PCMTD1: variants seen among roughly 807,000 people sequenced by gnomAD.
PCMTD1 encodes the protein protein-L-isoaspartate (D-aspartate) O-methyltransferase domain containing 1, also known as protein-L-isoaspartate O-methyltransferase domain-containing protein 1.
Under a neutral mutation model 37.6 loss-of-function variants are expected in PCMTD1, and 12 were observed. The observed-to-expected ratio is 0.32, with a 90% CI of 0.20 to 0.52. The LOEUF (loss-of-function observed/expected upper bound fraction) is 0.52, where lower values mean the gene tolerates loss of function less well. Among genes scored for constraint, PCMTD1 ranks in the 20% least tolerant of loss-of-function variants. The pLI, the probability that PCMTD1 is intolerant of heterozygous loss-of-function variation, is 0.97. For synonymous variants in PCMTD1, 117 were observed against 135.8 expected (o/e 0.86, Z 0.96); for missense variants, 235 against 421.3 (o/e 0.56, Z 3.87).
intron 1 of PCMTD1, among the ~76,000 whole-genome samples, chr8:51,868,335 G>T (rs2038589848): frequency 6.6e-6 from 1 of 152,104 alleles, no homozygotes; most frequent in African/African-American, 2.4e-5. Context: ...AAGTAAATCT[G>T]TCCAAAAGTA....
At chr8:51,845,584 A>C (rs2038205795) in intron 3 of PCMTD1, 77 bp downstream of exon 3, 1 of 999,426 alleles carries the variant, frequency 1.0e-6, no homozygotes. Flanking sequence ...CAGGATCAAT[A>C]ATAGTGTTCA....
chr8:51,819,912 AC>A lies in PCMTD1; in HGVS notation c.*438del, dbSNP rs2037818650. 1 of 153,454 alleles carries A rather than the reference AC, an allele frequency of 6.5e-6. No individual in the cohort carries two copies. Among genetic ancestry groups the A allele is most frequent in the South Asian group, 2.1e-4 (1 of 4,852 alleles). The allele number at this position is 153,454 out of a possible 1,614,324, so 9.5% of individuals were successfully genotyped here. A position where few individuals can be genotyped will look rare whatever the true frequency, so the allele number is the denominator to read the frequency against. On this transcript the variant is annotated 3_prime_UTR_variant, in exon 6 of 6. Coordinates refer to ENST00000522514, the MANE Select transcript of PCMTD1 (RefSeq NM_052937.4). ...GCAACAAAAGTAAGGTAAATAGTCT[AC>A]AAAGCATTTGACTTCCTTATTAGAT...
At chr8:51,891,656 G>C (rs1291368336) in intron 1 of PCMTD1, among the ~76,000 whole-genome samples, 1 of 140,186 alleles carries the variant, frequency 7.1e-6, no homozygotes, top group Non-Finnish European at 1.5e-5. Flanking sequence ...TATGCCACTA[G>C]TTAAAAAAAA....
intron 1 of PCMTD1, among the ~76,000 whole-genome samples, chr8:51,890,650 G>A (rs2038923700): frequency 6.6e-6 from 1 of 152,152 alleles, no homozygotes; most frequent in Non-Finnish European, 1.5e-5. Context: ...CACTACTTAC[G>A]CAGTAGCAGT....
chr8:51,862,362 A>ACACACT (rs1169150913), intron 1 of PCMTD1, among the ~76,000 whole-genome samples: 1 of 100,750 alleles, frequency 9.9e-6, no homozygotes, highest in Non-Finnish European at 1.7e-5. Flanking sequence ...ACACATACAC[A>ACACACT]CACACACACA....
In PCMTD1 at chr8:51,820,229, GATTT is replaced by G. The variant is rs199588375; in HGVS notation, c.*118_*121del. 1,078 of 490,974 alleles carry G rather than the reference GATTT, an allele frequency of 2.2e-3. 8 individuals are homozygous for G. In the African/African-American group the frequency reaches 0.05, roughly 23 times the overall value. 30.4% of individuals were successfully genotyped at this position (490,974 alleles called of 1,614,324 possible). A position where few individuals can be genotyped will look rare whatever the true frequency, so the allele number is the denominator to read the frequency against. ...ATTTGTGTTACTGACAGAAACAAGTGATTTTTTTTCCACTATAATTTGCTCTGAT... is the reference window on the plus strand; with the variant it reads ...ATTTGTGTTACTGACAGAAACAAGTGTTTTTCCACTATAATTTGCTCTGAT... On this transcript the variant is annotated 3_prime_UTR_variant, in exon 6 of 6. Coordinates refer to ENST00000522514, the MANE Select transcript of PCMTD1 (RefSeq NM_052937.4).
chr8:51,831,106 T>C (rs2037991281), intron 5 of PCMTD1, among the ~76,000 whole-genome samples: 1 of 152,056 alleles, frequency 6.6e-6, no homozygotes, highest in African/African-American at 2.4e-5. Context: ...GAGGCCAGCC[T>C]GGCCAACATG....
At chr8:51,895,401 C>T (rs1325353317) in intron 1 of PCMTD1, among the ~76,000 whole-genome samples, 1 of 152,166 alleles carries the variant, frequency 6.6e-6, no homozygotes, top group Non-Finnish European at 1.5e-5. Flanking sequence ...CTGAAGAGTG[C>T]TCAGTAGAAA....
At position 51,831,311 on chromosome 8, in the gene PCMTD1, A is replaced by G. The variant is rs1199299655; in HGVS notation, c.706+133T>C. On this transcript the variant is annotated intron_variant, in intron 5 of 5. Transcript: ENST00000522514. ...AGACTGTCTCCAAAAAAAAAAAAAAAGTTGAATAAATCCACCAAATATCTT... is the reference window on the plus strand; with the variant it reads ...AGACTGTCTCCAAAAAAAAAAAAAAGGTTGAATAAATCCACCAAATATCTT... 1.2e-5 allele frequency: 11 copies of G among 903,770 alleles called. No individual in the cohort carries two copies. In the East Asian group the frequency reaches 1.8e-4, roughly 15 times the overall value. 56.0% of individuals were successfully genotyped at this position (903,770 alleles called of 1,614,324 possible).
At chr8:51,860,813 T>C (rs1445477306) in intron 2 of PCMTD1, 32 bp downstream of exon 2, 2 of 1,513,308 alleles carry the variant, frequency 1.3e-6, no homozygotes, top group African/African-American at 2.8e-5. Context: ...TGGCTTATTT[T>C]TTAAAATAGA....
intron 1 of PCMTD1, among the ~76,000 whole-genome samples, chr8:51,888,492 T>A (rs1002939840): frequency 6.6e-6 from 1 of 152,116 alleles, no homozygotes; most frequent in Non-Finnish European, 1.5e-5. Context: ...CTAAAGGGTA[T>A]GAAAACAAAC....
rs779495493 is a variant in PCMTD1, at chr8:51,894,815, GGA to G, written c.-96+4113_-96+4114del. Among the ~76,000 whole-genome samples, 37 of 151,830 alleles carry G rather than the reference GGA, an allele frequency of 2.4e-4. 1 individual carries two copies. The highest frequency in any genetic ancestry group is 1.2e-3 in the Admixed American group (19 of 15,240). ...AAAAAAAAAAAAAATTCTAAGAAAA[GGA>G]GAGAGAGAAGAACCAAGGATGACCT... On this transcript the variant is annotated intron_variant, in intron 1 of 5. Coordinates refer to ENST00000522514, the MANE Select transcript of PCMTD1 (RefSeq NM_052937.4).
At chr8:51,841,077 G>A (rs933596227) in intron 3 of PCMTD1, among the ~76,000 whole-genome samples, 2 of 152,030 alleles carry the variant, frequency 1.3e-5, no homozygotes, top group African/African-American at 4.8e-5. Context: ...ATAAATCAAC[G>A]TTTACATCAT....
rs1250837652 is a variant in PCMTD1, at chr8:51,867,474, ATGG to A, written c.-95-6231_-95-6229del. ...ATCATCAGAGGAATGGGTAAAGAAA[ATGG>A]TGTGTGTGTGTGTGTGTGTGTGTGT... is the stretch of plus-strand genomic sequence containing the variant. On this transcript the variant is annotated intron_variant, in intron 1 of 5. Transcript: ENST00000522514. Among the ~76,000 whole-genome samples the A allele has an allele frequency of 1.3e-3, 169 of 133,438 alleles. 1 individual carries two copies. Among genetic ancestry groups the A allele is most frequent in the African/African-American group, 5.1e-3 (164 of 31,852 alleles). 87.5% of individuals were successfully genotyped at this position (133,438 alleles called of 152,430 possible). A position where few individuals can be genotyped will look rare whatever the true frequency, so the allele number is the denominator to read the frequency against.
In PCMTD1 at chr8:51,861,134, A is replaced by G. The variant is rs1170197151; in HGVS notation, c.18T>C (p.Ser6=). Residue 6 remains serine (S), a synonymous_variant, in exon 2 of 6, where the codon AGT becomes AGC. Coordinates refer to ENST00000522514, the MANE Select transcript of PCMTD1 (RefSeq NM_052937.4). MGGAV[S]AGEDNDDLID... ...TTAAGTCATCATTATCTTCCCCAGC[A>G]CTCACAGCTCCTCCCATGATAGTAT... The G allele has an allele frequency of 6.2e-7, 1 of 1,613,440 alleles. No homozygotes were observed. Among genetic ancestry groups the G allele is most frequent in the Non-Finnish European group, 8.5e-7 (1 of 1,179,506 alleles).
intron 1 of PCMTD1, among the ~76,000 whole-genome samples, chr8:51,871,780 T>G (rs899496009): frequency 2.6e-5 from 4 of 152,224 alleles, no homozygotes; most frequent in African/African-American, 9.6e-5. Flanking sequence ...CAAATTTCAA[T>G]GCTCCCAACG....
At chr8:51,881,306 T>A (rs1173803533) in intron 1 of PCMTD1, among the ~76,000 whole-genome samples, 2 of 152,198 alleles carry the variant, frequency 1.3e-5, no homozygotes. Flanking sequence ...TTTTCAATAA[T>A]GCCCAGCAAT....
chr8:51,849,401 T>C (rs907943594), intron 2 of PCMTD1: 5 of 152,180 alleles, frequency 3.3e-5, no homozygotes, highest in Admixed American at 2.6e-4. Flanking sequence ...AATTCCAATG[T>C]TATTTTGTAT....
intron 1 of PCMTD1, among the ~76,000 whole-genome samples, chr8:51,865,225 C>T (rs1019317085): frequency 2.0e-5 from 3 of 152,018 alleles, no homozygotes; most frequent in Non-Finnish European, 4.4e-5. Context: ...CACCAGATGC[C>T]TCAAGGTGGA....
Sources: allele counts gnomAD v4.1 joint callset (sites outside exome capture counted in the v4.1 genomes callset), GRCh38; gene constraint gnomAD v4.1.1; transcripts MANE v1.5; gene names NCBI Gene and HGNC (gene_info 2026-07-23, HGNC 2026-07-21).